The following AIG1 variants were observed in gnomAD, a reference collection of about 807,000 sequenced individuals.
The protein encoded by AIG1 is androgen induced 1.
In AIG1, 23 loss-of-function variants were observed where a neutral mutation model predicts 31.4. The ratio of observed to expected loss-of-function variants is 0.73; its 90% CI spans 0.53 to 1.04. The LOEUF (loss-of-function observed/expected upper bound fraction) is 1.04. Among genes scored for constraint, AIG1 ranks in the 50% least tolerant of loss-of-function variants. AIG1 has a pLI of 0.00. For missense variants in AIG1, 274 were observed against 295.0 expected (o/e 0.93, Z 0.52); for synonymous variants, 100 against 110.5 (o/e 0.90, Z 0.60).
intron 3 of AIG1, among the ~76,000 whole-genome samples, chr6:143,203,679 C>T (rs1790879921): frequency 6.6e-6 from 1 of 152,146 alleles, no homozygotes; most frequent in Non-Finnish European, 1.5e-5. Context: ...GAGAGAGTTT[C>T]TCACAGTCTC....
chr6:143,180,420 C>T (rs750323502), intron 3 of AIG1, among the ~76,000 whole-genome samples: 5 of 152,160 alleles, frequency 3.3e-5, no homozygotes, highest in East Asian at 1.9e-4. Context: ...GAAGCACTGT[C>T]GTTATTCTGG....
chr6:143,161,933 T>A (rs1786419951), intron 2 of AIG1, among the ~76,000 whole-genome samples: 1 of 152,068 alleles, frequency 6.6e-6, no homozygotes, highest in Non-Finnish European at 1.5e-5. Context: ...AACATATTGC[T>A]GCAGATCACA....
intron 3 of AIG1, among the ~76,000 whole-genome samples, chr6:143,174,881 A>G (rs927031809): frequency 1.3e-5 from 2 of 151,856 alleles, no homozygotes; most frequent in Non-Finnish European, 2.9e-5. Flanking sequence ...TGTTTTTTTC[A>G]TTGTGTTATT....
intron 3 of AIG1, among the ~76,000 whole-genome samples, chr6:143,277,871 T>C (rs369805977): frequency 1.4e-3 from 220 of 152,324 alleles, no homozygotes; most frequent in African/African-American, 4.9e-3. Flanking sequence ...ATATTGCCTA[T>C]TAATTTTTGT....
intron 1 of AIG1, among the ~76,000 whole-genome samples, chr6:143,115,358 A>G (rs1003583991): frequency 2.6e-5 from 4 of 152,218 alleles, no homozygotes; most frequent in African/African-American, 9.7e-5. Flanking sequence ...GGAAATGTAA[A>G]AGCATGTGGC....
intron 1 of AIG1, among the ~76,000 whole-genome samples, chr6:143,124,465 C>T (rs1036475899): frequency 7.2e-5 from 11 of 152,176 alleles, no homozygotes; most frequent in African/African-American, 2.4e-4. Flanking sequence ...CACGGTGGAC[C>T]GTGAACTCCT....
intron 3 of AIG1, among the ~76,000 whole-genome samples, chr6:143,205,869 C>T (rs531480910): frequency 4.3e-4 from 66 of 152,252 alleles, no homozygotes; most frequent in African/African-American, 1.6e-3. Flanking sequence ...AAGTATCAAC[C>T]GTGAGAATTT....
intron 3 of AIG1, among the ~76,000 whole-genome samples, chr6:143,237,276 C>T (rs958013961): frequency 6.6e-6 from 1 of 152,178 alleles, no homozygotes; most frequent in Non-Finnish European, 1.5e-5. Context: ...TGCCATGTAC[C>T]ATGCTGGACC....
At chr6:143,248,409 G>T (rs1288916559) in intron 3 of AIG1, among the ~76,000 whole-genome samples, 2 of 152,148 alleles carry the variant, frequency 1.3e-5, no homozygotes, top group Admixed American at 6.5e-5. Context: ...CAAATATAGG[G>T]TGTAATTAGA....
intron 2 of AIG1, among the ~76,000 whole-genome samples, chr6:143,152,821 C>T (rs976317852): frequency 3.9e-5 from 6 of 152,230 alleles, no homozygotes; most frequent in African/African-American, 9.6e-5. Flanking sequence ...TCAGACATCA[C>T]TCTTCACAAA....
chr6:143,218,661 C>G (rs950050758), intron 3 of AIG1, among the ~76,000 whole-genome samples: 8 of 152,078 alleles, frequency 5.3e-5, no homozygotes, highest in African/African-American at 1.9e-4. Flanking sequence ...ATAAACCATT[C>G]TTATGATACA....
chr6:143,134,414 G>C (rs1445381376), intron 1 of AIG1, among the ~76,000 whole-genome samples: 4 of 72,798 alleles, frequency 5.5e-5, no homozygotes, highest in African/African-American at 2.1e-4. Context: ...TTTTTTTTTT[G>C]GTTTAACATT....
chr6:143,128,596 A>T (rs998111901), intron 1 of AIG1, among the ~76,000 whole-genome samples: 1 of 152,218 alleles, frequency 6.6e-6, no homozygotes, highest in African/African-American at 2.4e-5. Context: ...GAATGGCTGG[A>T]GTCGAATAAT....
chr6:143,165,281 G>T (rs566118746), intron 3 of AIG1, 98 bp downstream of exon 3: 2 of 925,394 alleles, frequency 2.2e-6, no homozygotes, highest in Admixed American at 4.4e-5. Flanking sequence ...TGCCTAAAAA[G>T]CCATGAAATC....
chr6:143,234,097 A>G (rs1020281642), intron 3 of AIG1, among the ~76,000 whole-genome samples: 7 of 152,138 alleles, frequency 4.6e-5, no homozygotes, highest in Non-Finnish European at 7.4e-5. Context: ...TCTGAAAACT[A>G]CAAAGACCCC....
intron 3 of AIG1, among the ~76,000 whole-genome samples, chr6:143,252,827 C>T (rs1472783613): frequency 6.6e-6 from 1 of 152,204 alleles, no homozygotes; most frequent in African/African-American, 2.4e-5. Flanking sequence ...AAATACCAGC[C>T]AGGATTGGCA....
At chr6:143,165,261 C>A in intron 3 of AIG1, 78 bp downstream of exon 3, 1 of 1,174,474 alleles carries the variant, frequency 8.5e-7, no homozygotes, top group Non-Finnish European at 1.2e-6. Flanking sequence ...TTTAGACCTT[C>A]CATAGAATTT....
Position 143,293,101 on chromosome 6 carries a change from G to A in AIG1, c.515+8876G>A, listed in dbSNP as rs1798166878. Among the ~76,000 whole-genome samples the A allele has an allele frequency of 1.3e-5, 2 of 152,112 alleles. No homozygotes were observed. The highest frequency in any genetic ancestry group is 4.1e-4 in the South Asian group (2 of 4,820). ...AGTTGTGAGGATTAATGAGCCCATA[G>A]GGATGCTCAGGAAATGAGAGCATCT... On this transcript the variant is annotated intron_variant, in intron 4 of 5. Coordinates refer to ENST00000357847, the MANE Select transcript of AIG1 (RefSeq NM_016108.4). The surrounding 1 kb of genome is among the most constrained non-coding windows in gnomAD (Gnocchi z 4.8).
At position 143,087,707 on chromosome 6, in the gene AIG1, G is replaced by T. The variant is rs1300149252; in HGVS notation, c.141+26641G>T. 5.3e-5 allele frequency among the ~76,000 whole-genome samples: 8 copies of T among 152,338 alleles called. No individual in the cohort carries two copies. In the East Asian group the frequency reaches 1.3e-3, roughly 26 times the overall value. On this transcript the variant is annotated intron_variant, in intron 1 of 5. Coordinates refer to ENST00000357847, the MANE Select transcript of AIG1 (RefSeq NM_016108.4). ...AATGGGAGGGGACCCAAAAGGGGTTGCCCTTAGGATAAATTCTTAAAGGCA... is the reference window on the plus strand; with the variant it reads ...AATGGGAGGGGACCCAAAAGGGGTTTCCCTTAGGATAAATTCTTAAAGGCA...
Sources: gnomAD v4.1 joint callset for allele counts (sites outside exome capture counted in the v4.1 genomes callset) on GRCh38, gnomAD v4.1.1 for gene constraint, Gnocchi (gnomAD v3.1) non-coding constraint, MANE v1.5 for transcripts, NCBI Gene and HGNC (gene_info 2026-07-23, HGNC 2026-07-21) for gene names.